The following MCM9 variants were observed in gnomAD, a reference collection of about 807,000 sequenced individuals.
MCM9 encodes the protein DNA helicase MCM9.
A neutral mutation model predicts 72.8 loss-of-function variants in MCM9; 55 were observed. That is an observed-to-expected ratio of 0.76 (90% confidence interval 0.61 to 0.95). The LOEUF (loss-of-function observed/expected upper bound fraction) is 0.95. Among genes scored for constraint, MCM9 ranks in the 40% least tolerant of loss-of-function variants. The pLI is 0.00. For missense variants in MCM9, 1,279 were observed against 1,377.0 expected, an observed-to-expected ratio of 0.93 and a Z score of 1.13; for synonymous variants, 480 against 503.4, an observed-to-expected ratio of 0.95 and a Z score of 0.62.
rs1583307934 is a variant in MCM9, at chr6:118,814,548, C to T, written c.*276G>A. On this transcript the variant is annotated 3_prime_UTR_variant, in exon 14 of 14. Transcript: ENST00000619706. ...AAAACAAAACAAAAAACAGAAACAG[C>T]TTCAGGAACAGGAATACAAGTACTC... The T allele has an allele frequency of 3.5e-6, 1 of 284,566 alleles. No homozygotes were observed. Among genetic ancestry groups the T allele is most frequent in the East Asian group, 6.0e-5 (1 of 16,754 alleles). 17.6% of individuals were successfully genotyped at this position (284,566 alleles called of 1,614,324 possible).
chr6:118,892,865 C>G (rs1204492772), intron 8 of MCM9, among the ~76,000 whole-genome samples: 1 of 152,234 alleles, frequency 6.6e-6, no homozygotes, highest in Non-Finnish European at 1.5e-5. Flanking sequence ...CTCACATTAA[C>G]TTTCAAAAGA....
intron 13 of MCM9, among the ~76,000 whole-genome samples, chr6:118,825,867 G>A (rs577504276): frequency 2.6e-5 from 4 of 152,244 alleles, no homozygotes; most frequent in African/African-American, 9.6e-5. Context: ...GCAAAGACAA[G>A]CTATCCCCAC....
chr6:118,889,675 A>AG (rs565334171), intron 8 of MCM9, among the ~76,000 whole-genome samples: 51 of 152,346 alleles, frequency 3.3e-4, no homozygotes, highest in African/African-American at 1.0e-3. Context: ...TAGGTATAAG[A>AG]AACAGAAAAT....
At chr6:118,914,640 G>C (rs1455076823) in intron 6 of MCM9, among the ~76,000 whole-genome samples, 1 of 152,150 alleles carries the variant, frequency 6.6e-6, no homozygotes, top group Admixed American at 6.6e-5. Flanking sequence ...GATAAGACTT[G>C]ACAGCAGGTA....
intron 13 of MCM9, among the ~76,000 whole-genome samples, chr6:118,821,180 T>C (rs559031872): frequency 6.6e-6 from 1 of 152,328 alleles, no homozygotes; most frequent in South Asian, 2.1e-4. Flanking sequence ...TGCTATCTGG[T>C]CAATTTGCAC....
chr6:118,840,303 G>T (rs1190922156), intron 9 of MCM9, among the ~76,000 whole-genome samples: 2 of 152,046 alleles, frequency 1.3e-5, no homozygotes, highest in African/African-American at 4.8e-5. Flanking sequence ...TTTGGGAGGT[G>T]ATTTGGTTTA....
intron 9 of MCM9, among the ~76,000 whole-genome samples, chr6:118,848,554 C>T (rs1387749867): frequency 1.3e-5 from 2 of 151,790 alleles, no homozygotes; most frequent in African/African-American, 2.4e-5. Flanking sequence ...TGAGTAGTTC[C>T]AACAGTTTGG....
chr6:118,904,105 A>G (rs1462107889), intron 8 of MCM9, among the ~76,000 whole-genome samples: 1 of 152,160 alleles, frequency 6.6e-6, no homozygotes, highest in Non-Finnish European at 1.5e-5. Flanking sequence ...GAGAAAGAAC[A>G]TATCTGTGTT....
rs954072387 is a variant in MCM9, at chr6:118,847,203, C to T, written c.1325+9168G>A. Reference sequence around the variant, plus strand: ...TAAGGCAGAAACAGAGAATCGAACACTGCATGTTCTCACTTTTAAGTGGGA... The same window carrying T: ...TAAGGCAGAAACAGAGAATCGAACATTGCATGTTCTCACTTTTAAGTGGGA... On this transcript the variant is annotated intron_variant, in intron 9 of 13. Coordinates refer to ENST00000619706, the MANE Select transcript of MCM9 (RefSeq NM_017696.3). Among the ~76,000 whole-genome samples the T allele has an allele frequency of 1.8e-4, 28 of 151,722 alleles. 1 individual carries two copies. Among genetic ancestry groups the T allele is most frequent in the African/African-American group, 6.3e-4 (26 of 41,068 alleles).
At chr6:118,843,686 G>A (rs371525713) in intron 9 of MCM9, among the ~76,000 whole-genome samples, 721 of 31,074 alleles carry the variant, frequency 0.023, 35 homozygotes, top group African/African-American at 0.086. Flanking sequence ...ATATATATAT[G>A]TGTATATATA....
chr6:118,867,567 T>C (rs748784004), intron 8 of MCM9, among the ~76,000 whole-genome samples: 5 of 152,200 alleles, frequency 3.3e-5, no homozygotes, highest in Non-Finnish European at 7.3e-5. Flanking sequence ...TATTTAGATA[T>C]GTTTAGATAC....
chr6:118,860,897 C>T (rs1000366096), intron 8 of MCM9, among the ~76,000 whole-genome samples: 1 of 152,294 alleles, frequency 6.6e-6, no homozygotes, highest in African/African-American at 2.4e-5. Context: ...CTTAGGATGT[C>T]GCTTTGCCAG....
intron 8 of MCM9, among the ~76,000 whole-genome samples, chr6:118,875,325 C>A (rs1329021698): frequency 6.6e-6 from 1 of 152,174 alleles, no homozygotes; most frequent in Non-Finnish European, 1.5e-5. Flanking sequence ...TCTACAGATT[C>A]AACCCAAGCT....
intron 8 of MCM9, among the ~76,000 whole-genome samples, chr6:118,901,206 C>A (rs1779779391): frequency 6.6e-6 from 1 of 152,146 alleles, no homozygotes; most frequent in South Asian, 2.1e-4. Context: ...ATCAGACTTC[C>A]AAGGTGGCTG....
At chr6:118,871,424 A>G (rs1455385096) in intron 8 of MCM9, among the ~76,000 whole-genome samples, 1 of 152,262 alleles carries the variant, frequency 6.6e-6, no homozygotes, top group Non-Finnish European at 1.5e-5. Context: ...ACAAAAGTAA[A>G]CATCCTTTCA....
At chr6:118,873,304 A>C (rs1777735377) in intron 8 of MCM9, among the ~76,000 whole-genome samples, 1 of 151,928 alleles carries the variant, frequency 6.6e-6, no homozygotes, top group South Asian at 2.1e-4. Context: ...GAAGAGAAGA[A>C]AGGAAGTCTA....
chr6:118,859,085 C>G (rs1776749965), intron 8 of MCM9, among the ~76,000 whole-genome samples: 2 of 152,032 alleles, frequency 1.3e-5, no homozygotes, highest in Non-Finnish European at 1.5e-5. Context: ...TGGAACAGAA[C>G]AGAATCCAAA....
chr6:118,904,302 C>T (rs939732609), intron 8 of MCM9, among the ~76,000 whole-genome samples: 9 of 152,134 alleles, frequency 5.9e-5, no homozygotes, highest in South Asian at 2.1e-4. Flanking sequence ...CACTAGGTAG[C>T]GATTTTATGC....
At chr6:118,843,669 T>C (rs370811250) in intron 9 of MCM9, among the ~76,000 whole-genome samples, 1,809 of 48,742 alleles carry the variant, frequency 0.037, 127 homozygotes, top group Middle Eastern at 0.09. Context: ...TATATATATA[T>C]GTATGTATAT....
Sources: allele counts gnomAD v4.1 joint callset (sites outside exome capture counted in the v4.1 genomes callset), GRCh38; gene constraint gnomAD v4.1.1; transcripts MANE v1.5; gene names NCBI Gene and HGNC (gene_info 2026-07-23, HGNC 2026-07-21).